Variants in DACH2 observed in about 807,000 individuals in gnomAD.
DACH2 encodes the protein dachshund family transcription factor 2.
Under a neutral mutation model 35.8 loss-of-function variants are expected in DACH2, and 17 were observed. That is an observed-to-expected ratio of 0.48 (90% CI 0.33 to 0.71). The LOEUF is 0.71. DACH2 is among the 30% of genes least tolerant of loss of function. DACH2 has a pLI of 0.02. For synonymous variants in DACH2, 195 were observed against 177.3 expected (o/e 1.10, Z -0.79); for missense variants, 469 against 472.7 (o/e 0.99, Z 0.07).
chrX:86,703,634 A>G (rs890995940), intron 5 of DACH2, among the ~76,000 whole-genome samples: 1 of 111,714 alleles, frequency 9.0e-6, no homozygotes, highest in Non-Finnish European at 1.9e-5. Context: ...CATAAGATTC[A>G]AGCTGAGAGC....
intron 7 of DACH2, among the ~76,000 whole-genome samples, chrX:86,806,535 G>C (rs1395233626): frequency 1.8e-5 from 2 of 111,920 alleles, no homozygotes; most frequent in Admixed American, 9.5e-5. Flanking sequence ...ATATGTTGGG[G>C]ATGGGACTCA....
intron 3 of DACH2, among the ~76,000 whole-genome samples, chrX:86,596,961 A>G (rs1372661199): frequency 9.0e-6 from 1 of 111,141 alleles, no homozygotes; most frequent in African/African-American, 3.3e-5. Context: ...TAGGTCTATT[A>G]TTGGATTTTC....
chrX:86,490,945 G>T (rs966745746), intron 2 of DACH2, among the ~76,000 whole-genome samples: 1 of 111,061 alleles, frequency 9.0e-6, no homozygotes, highest in Non-Finnish European at 1.9e-5. Context: ...CCTATTTCTT[G>T]TACAAGTAGG....
intron 3 of DACH2, among the ~76,000 whole-genome samples, chrX:86,644,894 A>T (rs761705563): frequency 9.0e-6 from 1 of 110,830 alleles, no homozygotes; most frequent in South Asian, 3.8e-4. Flanking sequence ...CCCCTTCCTT[A>T]AAGCATATAC....
intron 2 of DACH2, among the ~76,000 whole-genome samples, chrX:86,514,017 T>C (rs1242498476): frequency 6.3e-5 from 7 of 111,746 alleles, no homozygotes; most frequent in Non-Finnish European, 1.1e-4. Context: ...ACAGGTAAGC[T>C]GCATTGCAAA....
rs1047737971 is a variant in DACH2, at chrX:86,707,427, C to G, written c.932-7121C>G. Among the ~76,000 whole-genome samples the G allele has an allele frequency of 2.7e-5, 3 of 111,635 alleles. No individual in the cohort carries two copies. The Admixed American group carries it at 2.9e-4, about 11-fold the overall frequency. On this transcript the variant is annotated intron_variant, in intron 5 of 11. Transcript: ENST00000373125. ...ATTTAAAGAAGAAAATATACCAATT[C>G]TCTGCAATCTCTTCCAGAAGATAGA...
chrX:86,740,148 T>G (rs2041638716), intron 7 of DACH2, among the ~76,000 whole-genome samples: 1 of 110,817 alleles, frequency 9.0e-6, no homozygotes, highest in Non-Finnish European at 1.9e-5. Flanking sequence ...TTGTAGAGTA[T>G]GGGTGAGTTC....
At chrX:86,768,636 A>ATATT (rs1356660308) in intron 7 of DACH2, among the ~76,000 whole-genome samples, 3 of 111,263 alleles carry the variant, frequency 2.7e-5, no homozygotes, top group Non-Finnish European at 3.8e-5. Flanking sequence ...CAAAGTAATT[A>ATATT]TATTTATTTA....
At chrX:86,818,200 A>G (rs761949296) in intron 11 of DACH2, among the ~76,000 whole-genome samples, 1 of 111,768 alleles carries the variant, frequency 8.9e-6, no homozygotes, top group African/African-American at 3.2e-5. Context: ...AAGCACTGTA[A>G]ATGATAAAGC....
chrX:86,411,503 A>C (rs1361951131), intron 2 of DACH2, among the ~76,000 whole-genome samples: 1 of 110,850 alleles, frequency 9.0e-6, no homozygotes, highest in Non-Finnish European at 1.9e-5. Context: ...AATGAAGACA[A>C]TAATGAGGTC....
chrX:86,790,365 A>G (rs2042175945), intron 7 of DACH2, among the ~76,000 whole-genome samples: 1 of 111,939 alleles, frequency 8.9e-6, no homozygotes, highest in Non-Finnish European at 1.9e-5. Flanking sequence ...GTTGTATGTA[A>G]TAAAGAACAA....
At chrX:86,355,075 G>A (rs1199340280) in intron 1 of DACH2, among the ~76,000 whole-genome samples, 1 of 111,201 alleles carries the variant, frequency 9.0e-6, no homozygotes, top group Admixed American at 9.5e-5. Flanking sequence ...CCCTCAAGTA[G>A]GCCTCAGTAT....
chrX:86,770,316 T>C (rs1454613672), intron 7 of DACH2, among the ~76,000 whole-genome samples: 1 of 111,799 alleles, frequency 8.9e-6, no homozygotes, highest in Non-Finnish European at 1.9e-5. Flanking sequence ...TGTTGAAGGA[T>C]ACTTAAGTGC....
chrX:86,476,363 TC>T (rs973274173), intron 2 of DACH2, among the ~76,000 whole-genome samples: 2 of 111,852 alleles, frequency 1.8e-5, no homozygotes, highest in Non-Finnish European at 3.8e-5. Flanking sequence ...GTTTTTTATT[TC>T]TTCCTGGTTT....
chrX:86,679,616 CTGTG>C (rs67988965), intron 4 of DACH2, among the ~76,000 whole-genome samples: 3,386 of 96,144 alleles, frequency 0.035, 74 homozygotes, highest in African/African-American at 0.061. Context: ...CTCTCTGTCT[CTGTG>C]TGTGTGTGTG....
chrX:86,519,182 A>G (rs1230523969), intron 3 of DACH2, among the ~76,000 whole-genome samples: 2 of 112,211 alleles, frequency 1.8e-5, no homozygotes, highest in Non-Finnish European at 3.8e-5. Context: ...AGTTCTGTTT[A>G]TGTCATTAAT....
At chrX:86,462,241 A>G (rs1195568387) in intron 2 of DACH2, among the ~76,000 whole-genome samples, 3 of 111,971 alleles carry the variant, frequency 2.7e-5, no homozygotes, top group Non-Finnish European at 5.7e-5. Flanking sequence ...CTCACTCTGA[A>G]CTGAAGAGTT....
chrX:86,683,521 GT>G (rs1273222668), intron 4 of DACH2, among the ~76,000 whole-genome samples: 5 of 111,494 alleles, frequency 4.5e-5, no homozygotes, highest in Non-Finnish European at 9.4e-5. Flanking sequence ...AGAGCAACAA[GT>G]TTTTTGCACA....
At chrX:86,662,163 C>T (rs1340803778) in intron 4 of DACH2, among the ~76,000 whole-genome samples, 2 of 112,052 alleles carry the variant, frequency 1.8e-5, no homozygotes, top group East Asian at 5.6e-4. Flanking sequence ...TTCATAGACA[C>T]AGCTCTACTA....
Sources: gnomAD v4.1 joint callset for allele counts (sites outside exome capture counted in the v4.1 genomes callset) on GRCh38, gnomAD v4.1.1 for gene constraint, MANE v1.5 for transcripts, NCBI Gene and HGNC (gene_info 2026-07-23, HGNC 2026-07-21) for gene names.